ADAM22: variants seen among roughly 807,000 people sequenced by gnomAD.
ADAM22 encodes ADAM metallopeptidase domain 22.
A neutral mutation model predicts 144.6 loss-of-function variants in ADAM22; 65 were observed. The observed-to-expected ratio is 0.45, with a 90% CI of 0.37 to 0.55. The LOEUF is 0.55. Among genes scored for constraint, ADAM22 ranks in the 20% least tolerant of loss-of-function variants. ADAM22 has a pLI of 0.00. For synonymous variants in ADAM22, 391 were observed against 412.6 expected (o/e 0.95, Z 0.63); for missense variants, 974 against 1,184.9 (o/e 0.82, Z 2.61).
Position 88,075,452 on chromosome 7 carries a change from GTGTGTGTGTGTC to G in ADAM22, c.324-162_324-151del, listed in dbSNP as rs1182713587. ...CCTCATGTCCTTTTAGAAATACTGG[GTGTGTGTGTGTC>G]TGTGTGTGTGTGTGAGTGTGAGAGA... On this transcript the variant is annotated intron_variant, in intron 3 of 31. Coordinates refer to ENST00000413139, the MANE Select transcript of ADAM22 (RefSeq NM_001324418.2). Among the ~76,000 whole-genome samples, 3 of 142,462 alleles carry G rather than the reference GTGTGTGTGTGTC, an allele frequency of 2.1e-5. No individual in the cohort carries two copies. In the East Asian group the frequency reaches 6.7e-4, roughly 32 times the overall value. 93.5% of individuals were successfully genotyped at this position (142,462 alleles called of 152,430 possible).
chr7:88,131,546 C>T (rs1356433699), intron 11 of ADAM22, 111 bp downstream of exon 11: 36 of 1,112,378 alleles, frequency 3.2e-5, no homozygotes, highest in Non-Finnish European at 4.0e-5. Context: ...TTTGACATGG[C>T]AGATGGCAGA....
rs965411178 is a variant in ADAM22, at chr7:88,106,601, G to A, written c.391-1575G>A. 4.5e-4 allele frequency among the ~76,000 whole-genome samples: 68 copies of A among 152,166 alleles called. 1 individual carries two copies. The highest frequency in any genetic ancestry group is 1.3e-3 in the African/African-American group (56 of 41,502). ...TCGGTCCTTTCTGTTTCACTCTTTC[G>A]TATCTCAGTGAGTCAATTTAATTAG... On this transcript the variant is annotated intron_variant, in intron 4 of 31. Transcript: ENST00000413139.
intron 11 of ADAM22, 42 bp downstream of exon 11, chr7:88,131,477 A>G (rs542090294): frequency 3.1e-6 from 5 of 1,587,704 alleles, no homozygotes; most frequent in South Asian, 2.2e-5. Flanking sequence ...TTTTGATTCC[A>G]TGTTAAATGC....
chr7:88,128,180 T>TGAA (rs1830900211), intron 8 of ADAM22, among the ~76,000 whole-genome samples: 2 of 152,022 alleles, frequency 1.3e-5, no homozygotes, highest in Non-Finnish European at 2.9e-5. Context: ...AGAATGCTCT[T>TGAA]CATATGTTAC....
At chr7:88,004,435 A>G (rs1793311549) in intron 3 of ADAM22, among the ~76,000 whole-genome samples, 1 of 152,238 alleles carries the variant, frequency 6.6e-6, no homozygotes, top group Non-Finnish European at 1.5e-5. Flanking sequence ...ACTCAAAATA[A>G]TAGAACACTA....
intron 13 of ADAM22, among the ~76,000 whole-genome samples, chr7:88,135,722 A>C (rs115694914): frequency 0.011 from 1,711 of 152,306 alleles, 32 homozygotes; most frequent in African/African-American, 0.039. Flanking sequence ...GCCATTTTAA[A>C]TAAATGGTTT....
intron 4 of ADAM22, among the ~76,000 whole-genome samples, chr7:88,097,489 T>C (rs142113901): frequency 6.6e-6 from 1 of 152,014 alleles, no homozygotes; most frequent in Non-Finnish European, 1.5e-5. Context: ...CTCTTTATCC[T>C]TCCTTCTTCA....
chr7:88,005,533 T>G (rs1028556591), intron 3 of ADAM22, among the ~76,000 whole-genome samples: 2 of 152,206 alleles, frequency 1.3e-5, no homozygotes, highest in South Asian at 4.1e-4. Context: ...ATCAGTATAT[T>G]GACAGGCTCA....
chr7:88,003,670 A>G (rs1339857412), intron 3 of ADAM22, among the ~76,000 whole-genome samples: 1 of 152,248 alleles, frequency 6.6e-6, no homozygotes, highest in Non-Finnish European at 1.5e-5. Flanking sequence ...TTGTTCTTTA[A>G]GAAAAGGAAA....
intron 3 of ADAM22, among the ~76,000 whole-genome samples, chr7:88,023,421 T>TTTTA (rs1276743237): frequency 6.6e-6 from 1 of 152,180 alleles, no homozygotes; most frequent in Non-Finnish European, 1.5e-5. Flanking sequence ...AATTATAGTC[T>TTTTA]TTTATTTATT....
At chr7:88,103,409 A>T (rs1001095877) in intron 4 of ADAM22, among the ~76,000 whole-genome samples, 2 of 152,172 alleles carry the variant, frequency 1.3e-5, no homozygotes, top group Non-Finnish European at 2.9e-5. Flanking sequence ...ATAAATGATT[A>T]TTTTGATGTT....
In ADAM22 at chr7:88,168,187, G is replaced by T; in HGVS notation, c.2242G>T (p.Val748Leu). The T allele has an allele frequency of 1.2e-6, 2 of 1,613,218 alleles. No homozygotes were observed. The highest frequency in any genetic ancestry group is 1.7e-6 in the Non-Finnish European group (2 of 1,179,552). Residue 748 changes from valine (V) to leucine (L), a missense_variant, in exon 25 of 32, where the codon GTG (valine) becomes TTG (leucine). Val to Leu is a conservative substitution (Grantham distance 32). This residue lies in a region of ADAM22 where 734 missense variants were observed against 950.6 expected (regional missense o/e 0.77). Coordinates refer to ENST00000413139, the MANE Select transcript of ADAM22 (RefSeq NM_001324418.2). Reference sequence around the variant, plus strand: ...AGGCATAATTGCTGGCACCATTTTAGTGCTGGCCCTCATATTAGGAATAAC... The same window carrying T: ...AGGCATAATTGCTGGCACCATTTTATTGCTGGCCCTCATATTAGGAATAAC... ...IIGIIAGTIL[V>L]LALILGITAW...
intron 7 of ADAM22, among the ~76,000 whole-genome samples, chr7:88,118,338 TCTCTC>T (rs1415080484): frequency 6.6e-6 from 1 of 152,170 alleles, no homozygotes; most frequent in African/African-American, 2.4e-5. Flanking sequence ...TCTCTCCCCT[TCTCTC>T]CTGCTGCCAG....
chr7:88,102,175 A>G (rs1290294152), intron 4 of ADAM22, among the ~76,000 whole-genome samples: 1 of 152,216 alleles, frequency 6.6e-6, no homozygotes, highest in Non-Finnish European at 1.5e-5. Context: ...ATCTTTCTGT[A>G]TCCTTTGCAT....
intron 3 of ADAM22, among the ~76,000 whole-genome samples, chr7:88,058,613 C>G (rs1188455054): frequency 6.6e-6 from 1 of 152,162 alleles, no homozygotes; most frequent in East Asian, 1.9e-4. Flanking sequence ...AAAGACTGTT[C>G]TGTTACATAG....
intron 2 of ADAM22, among the ~76,000 whole-genome samples, chr7:87,970,090 G>A (rs1850069587): frequency 6.6e-6 from 1 of 152,114 alleles, no homozygotes. Context: ...ATCTTGATGT[G>A]GCCACAACAA....
At chr7:87,945,516 C>CT (rs773312797) in intron 2 of ADAM22, among the ~76,000 whole-genome samples, 439 of 140,746 alleles carry the variant, frequency 3.1e-3, no homozygotes, top group South Asian at 7.4e-3. Context: ...TCTTTTCTTT[C>CT]TTTTTTTTTT....
chr7:87,977,786 G>C (rs1245436738), intron 2 of ADAM22, among the ~76,000 whole-genome samples: 1 of 152,114 alleles, frequency 6.6e-6, no homozygotes, highest in Non-Finnish European at 1.5e-5. Flanking sequence ...ATTGGCAGTA[G>C]ATGTGCAGAG....
intron 2 of ADAM22, among the ~76,000 whole-genome samples, chr7:87,949,546 G>T (rs1291868565): frequency 6.6e-6 from 1 of 152,132 alleles, no homozygotes; most frequent in Non-Finnish European, 1.5e-5. Context: ...TTTTCTTTAA[G>T]ACAATGATGT....
Sources: allele counts gnomAD v4.1 joint callset (sites outside exome capture counted in the v4.1 genomes callset), GRCh38; gene constraint gnomAD v4.1.1; regional missense constraint gnomAD v4.1.1; transcripts MANE v1.5; gene names NCBI Gene and HGNC (gene_info 2026-07-23, HGNC 2026-07-21).